The following NFIA variants were observed in gnomAD, a reference collection of about 807,000 sequenced individuals.
The protein encoded by NFIA is nuclear factor 1 A-type.
Under a neutral mutation model 62.8 loss-of-function variants are expected in NFIA, and 8 were observed. The ratio of observed to expected loss-of-function variants is 0.13; its 90% CI spans 0.07 to 0.23. The LOEUF is 0.23. Ranked by LOEUF, NFIA falls within the 10% of genes least tolerant of loss-of-function variation. NFIA has a pLI of 1.00. For missense variants in NFIA, 410 were observed against 642.1 expected, an observed-to-expected ratio of 0.64 and a Z score of 3.91; for synonymous variants, 235 against 238.1, an observed-to-expected ratio of 0.99 and a Z score of 0.12.
At chr1:61,086,346 T>G (rs1646218685) in intron 1 of NFIA, among the ~76,000 whole-genome samples, 1 of 152,176 alleles carries the variant, frequency 6.6e-6, no homozygotes, top group Non-Finnish European at 1.5e-5. Flanking sequence ...CGTATACCTT[T>G]GCAGATAAAC....
chr1:61,438,087 G>A (rs527614714), intron 10 of NFIA, among the ~76,000 whole-genome samples: 1 of 152,240 alleles, frequency 6.6e-6, no homozygotes, highest in East Asian at 1.9e-4. Context: ...ATTGAGACCT[G>A]TGGTCATGAG....
At chr1:61,263,884 C>T (rs151082982) in intron 2 of NFIA, among the ~76,000 whole-genome samples, 19 of 151,870 alleles carry the variant, frequency 1.3e-4, no homozygotes, top group African/African-American at 4.3e-4. Context: ...CAGCTACTCA[C>T]GAGGCTGAGG....
At chr1:61,238,768 C>T (rs1442896758) in intron 2 of NFIA, among the ~76,000 whole-genome samples, 1 of 152,094 alleles carries the variant, frequency 6.6e-6, no homozygotes, top group Non-Finnish European at 1.5e-5. Flanking sequence ...TTGAGTTGTC[C>T]CCTACATGCT....
chr1:61,294,660 TC>T (rs1393338477), intron 3 of NFIA, among the ~76,000 whole-genome samples: 1 of 152,260 alleles, frequency 6.6e-6, no homozygotes, highest in Non-Finnish European at 1.5e-5. Flanking sequence ...GGATTGTTTT[TC>T]TTTTTTACTC....
chr1:61,183,800 C>CT (rs35369830), intron 2 of NFIA, among the ~76,000 whole-genome samples: 4 of 152,124 alleles, frequency 2.6e-5, no homozygotes, highest in Non-Finnish European at 5.9e-5. Context: ...AGGATATGTC[C>CT]TTTTTTTCCC....
chr1:61,152,133 A>G (rs2100522500), intron 2 of NFIA, among the ~76,000 whole-genome samples: 1 of 152,328 alleles, frequency 6.6e-6, no homozygotes, highest in African/African-American at 2.4e-5. Flanking sequence ...TACTCAGTAC[A>G]AAGCAAATTT....
intron 2 of NFIA, among the ~76,000 whole-genome samples, chr1:61,158,528 A>G (rs1448190147): frequency 6.6e-6 from 1 of 152,218 alleles, no homozygotes; most frequent in Non-Finnish European, 1.5e-5. Context: ...AATCATTTGA[A>G]TTTACATCTT....
intron 2 of NFIA, among the ~76,000 whole-genome samples, chr1:61,260,603 C>T (rs947996030): frequency 7.9e-5 from 12 of 151,912 alleles, no homozygotes; most frequent in South Asian, 2.1e-4. Context: ...TTTTTTGAGA[C>T]GGAGTCTCGC....
At chr1:61,437,145 G>A (rs1189363556) in intron 10 of NFIA, among the ~76,000 whole-genome samples, 1 of 152,172 alleles carries the variant, frequency 6.6e-6, no homozygotes, top group Non-Finnish European at 1.5e-5. Context: ...CTCCAGGGCT[G>A]GACTATGCTG....
intron 2 of NFIA, among the ~76,000 whole-genome samples, chr1:61,131,164 T>G (rs1647066071): frequency 6.6e-6 from 1 of 152,056 alleles, no homozygotes; most frequent in Non-Finnish European, 1.5e-5. Context: ...ATGACTTTTT[T>G]TTTTTTTTTT....
At chr1:61,254,121 G>A (rs905380336) in intron 2 of NFIA, among the ~76,000 whole-genome samples, 3 of 152,128 alleles carry the variant, frequency 2.0e-5, no homozygotes, top group Admixed American at 2.0e-4. Context: ...TCCATCTTAC[G>A]TCATTTGTGG....
intron 6 of NFIA, among the ~76,000 whole-genome samples, chr1:61,378,507 C>T (rs930440446): frequency 3.3e-5 from 5 of 152,164 alleles, no homozygotes; most frequent in African/African-American, 1.2e-4. Context: ...ATCTTTAATA[C>T]ACACATGTCT....
intron 4 of NFIA, 48 bp downstream of exon 4, chr1:61,332,634 G>A: frequency 6.5e-7 from 1 of 1,550,150 alleles, no homozygotes; most frequent in Non-Finnish European, 8.9e-7. Flanking sequence ...CTTGGTTTGT[G>A]CTTACTTTCT....
At chr1:61,161,008 A>G (rs553972157) in intron 2 of NFIA, among the ~76,000 whole-genome samples, 14 of 152,260 alleles carry the variant, frequency 9.2e-5, no homozygotes, top group Admixed American at 8.5e-4. Flanking sequence ...TCTGCCTCCC[A>G]GGTTCAAGTG....
chr1:61,204,108 G>T (rs1652727326), intron 2 of NFIA, among the ~76,000 whole-genome samples: 1 of 152,244 alleles, frequency 6.6e-6, no homozygotes, highest in Non-Finnish European at 1.5e-5. Context: ...ATGAAATGGT[G>T]AACTGGACGG....
intron 2 of NFIA, among the ~76,000 whole-genome samples, chr1:61,183,984 T>A (rs1207314750): frequency 6.6e-6 from 1 of 151,208 alleles, no homozygotes; most frequent in Non-Finnish European, 1.5e-5. Context: ...AAGTTTACGG[T>A]TAATATTTTC....
intron 3 of NFIA, among the ~76,000 whole-genome samples, chr1:61,289,684 G>T (rs1037048434): frequency 6.6e-6 from 1 of 152,180 alleles, no homozygotes; most frequent in African/African-American, 2.4e-5. Flanking sequence ...TTGCTGTTTT[G>T]TTCTGAGCAC....
At chr1:61,272,043 G>T (rs759144114) in intron 2 of NFIA, among the ~76,000 whole-genome samples, 1 of 151,828 alleles carries the variant, frequency 6.6e-6, no homozygotes, top group South Asian at 2.1e-4. Flanking sequence ...ATATTAGTTT[G>T]GTTATTCACT....
intron 6 of NFIA, among the ~76,000 whole-genome samples, chr1:61,382,536 A>T (rs1664470703): frequency 6.6e-6 from 1 of 152,160 alleles, no homozygotes; most frequent in Non-Finnish European, 1.5e-5. Context: ...TGTGCATAGA[A>T]ATAGCCTTTT....
Sources: allele counts gnomAD v4.1 joint callset (sites outside exome capture counted in the v4.1 genomes callset), GRCh38; gene constraint gnomAD v4.1.1; transcripts MANE v1.5; gene names NCBI Gene and HGNC (gene_info 2026-07-23, HGNC 2026-07-21).